Variants in CHSY1 observed in about 807,000 individuals in gnomAD.
CHSY1 encodes the protein N-acetylgalactosaminyl-proteoglycan 3-beta-glucuronosyltransferase 1.
CHSY1 carries 13 observed loss-of-function variants against 59.8 expected under a neutral mutation model. The ratio of observed to expected loss-of-function variants is 0.22; its 90% CI spans 0.14 to 0.35. CHSY1 has a LOEUF of 0.35. CHSY1 is among the 10% of genes least tolerant of loss of function. The probability of loss-of-function intolerance (pLI) is 1.00; values close to 1 mark genes in which losing one functional copy is unlikely to be tolerated. For missense variants in CHSY1, 947 were observed against 1,030.6 expected (o/e 0.92, Z 1.11); for synonymous variants, 459 against 401.2 (o/e 1.14, Z -1.72).
chr15:101,238,783 GGTT>G (rs2141277863), intron 1 of CHSY1, among the ~76,000 whole-genome samples: 1 of 152,200 alleles, frequency 6.6e-6, no homozygotes, highest in East Asian at 1.9e-4. Context: ...TTCATTCCAC[GGTT>G]ATTAACAGAT....
chr15:101,200,980 G>A (rs893859502), intron 2 of CHSY1, among the ~76,000 whole-genome samples: 1 of 152,160 alleles, frequency 6.6e-6, no homozygotes, highest in Admixed American at 6.5e-5. Flanking sequence ...GCCACCCTGG[G>A]TAAATCCTGT....
rs142800953 is a variant in CHSY1, at chr15:101,187,314, A to G, written c.817-8334T>C. Among the ~76,000 whole-genome samples, 10 of 152,298 alleles carry G rather than the reference A, an allele frequency of 6.6e-5. No homozygotes were observed. The East Asian group carries it at 1.9e-3, about 29-fold the overall frequency. ...GCCAATGTGGTGAAACACTGTTTCT[A>G]TTAAAATTACAAAAATTAGCCAGGC... On this transcript the variant is annotated intron_variant, in intron 2 of 2. Transcript: ENST00000254190.
chr15:101,180,525 C>T (rs1769364019), intron 2 of CHSY1, among the ~76,000 whole-genome samples: 1 of 152,044 alleles, frequency 6.6e-6, no homozygotes, highest in African/African-American at 2.4e-5. Flanking sequence ...GGAGAAACTC[C>T]GACTCTGACC....
intron 2 of CHSY1, among the ~76,000 whole-genome samples, chr15:101,199,569 C>T (rs966250371): frequency 6.6e-5 from 10 of 152,192 alleles, no homozygotes; most frequent in Admixed American, 1.3e-4. Context: ...AGACTGGTTG[C>T]GCAACTTACA....
At chr15:101,239,741 G>A (rs986218626) in intron 1 of CHSY1, among the ~76,000 whole-genome samples, 57 of 150,622 alleles carry the variant, frequency 3.8e-4, no homozygotes, top group African/African-American at 1.4e-3. Context: ...GCTATGTACT[G>A]AAATCCTCTT....
chr15:101,224,178 A>C (rs1354712550), intron 2 of CHSY1, among the ~76,000 whole-genome samples: 2 of 152,240 alleles, frequency 1.3e-5, no homozygotes, highest in Non-Finnish European at 2.9e-5. Flanking sequence ...ATACAACAAA[A>C]TCACCTGAGG....
chr15:101,183,725 G>A (rs917624770), intron 2 of CHSY1, among the ~76,000 whole-genome samples: 1 of 152,240 alleles, frequency 6.6e-6, no homozygotes, highest in Non-Finnish European at 1.5e-5. Context: ...GCAAACGGGG[G>A]AGGGTGTGGG....
intron 1 of CHSY1, among the ~76,000 whole-genome samples, chr15:101,248,333 T>C (rs755794674): frequency 1.1e-4 from 16 of 152,230 alleles, no homozygotes; most frequent in Non-Finnish European, 2.2e-4. Flanking sequence ...ACTTTTAGCC[T>C]TAAGGCTAAA....
chr15:101,205,946 C>T (rs1296069658), intron 2 of CHSY1, among the ~76,000 whole-genome samples: 6 of 150,442 alleles, frequency 4.0e-5, no homozygotes, highest in Non-Finnish European at 8.9e-5. Flanking sequence ...AGAGAGACTC[C>T]GTCTCAAAAA....
chr15:101,244,265 C>A (rs927283738), intron 1 of CHSY1, among the ~76,000 whole-genome samples: 3 of 152,146 alleles, frequency 2.0e-5, no homozygotes, highest in African/African-American at 7.2e-5. Context: ...AGCTGAGGCC[C>A]CTGCACTGAA....
chr15:101,229,449 A>C (rs1028961540), intron 2 of CHSY1, among the ~76,000 whole-genome samples: 6 of 152,220 alleles, frequency 3.9e-5, no homozygotes, highest in Non-Finnish European at 7.3e-5. Context: ...TCAGACAAAA[A>C]TTGTTACTAG....
chr15:101,212,596 T>C (rs2038692651), intron 2 of CHSY1, among the ~76,000 whole-genome samples: 2 of 152,216 alleles, frequency 1.3e-5, no homozygotes, highest in African/African-American at 4.8e-5. Flanking sequence ...ACAACAGTGG[T>C]TGCCTTGAGC....
intron 2 of CHSY1, among the ~76,000 whole-genome samples, chr15:101,184,756 TTAAAA>T (rs2038331623): frequency 1.3e-5 from 2 of 152,132 alleles, no homozygotes; most frequent in Admixed American, 6.5e-5. Context: ...GAAAGTGAAC[TTAAAA>T]TAAAGCCAAG....
intron 1 of CHSY1, among the ~76,000 whole-genome samples, chr15:101,240,324 G>C (rs2038989559): frequency 6.6e-6 from 1 of 152,222 alleles, no homozygotes; most frequent in South Asian, 2.1e-4. Context: ...TAATTGAAGG[G>C]AATGCTCCCA....
At position 101,251,423 on chromosome 15, in the gene CHSY1, C is replaced by A. The variant is rs1276531037; in HGVS notation, c.34G>T (p.Val12Leu). 1 of 1,112,500 alleles carries A rather than the reference C, an allele frequency of 9.0e-7. No individual in the cohort carries two copies. Among genetic ancestry groups the A allele is most frequent in the Non-Finnish European group, 1.1e-6 (1 of 897,246 alleles). The allele number at this position is 1,112,500 out of a possible 1,614,324, so 68.9% of individuals were successfully genotyped here. Residue 12 changes from valine to leucine, a missense_variant, in exon 1 of 3, where the codon GTG becomes TTG. Around this residue, in one of 4 missense-constraint regions of CHSY1, gnomAD observed 232 missense variants for 188.5 expected, o/e 1.23. Transcript: ENST00000254190. Reference sequence around the variant, plus strand: ...AAGCCCAGGACGAGCCCGAGCAGCACGCTGAGCCAGGCGCGCCGGCCGCGC... The same window carrying A: ...AAGCCCAGGACGAGCCCGAGCAGCAAGCTGAGCCAGGCGCGCCGGCCGCGC... ...AARGRRAWLS[V>L]LLGLVLGFVL... is the part of the protein sequence containing the mutation.
rs56741361 is a variant in CHSY1 at position 101,246,356 on chromosome 15, C to CTTT, written c.320+4778_320+4780dup. On this transcript the variant is annotated intron_variant, in intron 1 of 2. Transcript: ENST00000254190. ...GGACGAATAAGCAAAATACGTGTGG[C>CTTT]TTTTTTTTTTTTTTAATCAAAACGT... Among the ~76,000 whole-genome samples, 556 of 81,022 alleles carry CTTT rather than the reference C, an allele frequency of 6.9e-3. 3 individuals are homozygous for CTTT. The highest frequency in any genetic ancestry group is 0.013 in the African/African-American group (446 of 33,932). The allele number at this position is 81,022 out of a possible 152,430, so 53.2% of individuals were successfully genotyped here.
chr15:101,244,592 A>G (rs967434900), intron 1 of CHSY1, among the ~76,000 whole-genome samples: 1 of 152,266 alleles, frequency 6.6e-6, no homozygotes, highest in South Asian at 2.1e-4. Flanking sequence ...AAGAGCTAAG[A>G]AGAATATAAA....
At chr15:101,251,009 A>C in intron 1 of CHSY1, 128 bp downstream of exon 1, 1 of 911,948 alleles carries the variant, frequency 1.1e-6, no homozygotes, top group Non-Finnish European at 1.7e-6. Context: ...CCGAGAGGCA[A>C]CCCGATCCCG....
chr15:101,248,493 G>C (rs577966395), intron 1 of CHSY1, among the ~76,000 whole-genome samples: 1 of 152,232 alleles, frequency 6.6e-6, no homozygotes, highest in South Asian at 2.1e-4. Context: ...TTCTGTGAGA[G>C]AGCTGGAGTG....
Sources: gnomAD v4.1 joint callset for allele counts (sites outside exome capture counted in the v4.1 genomes callset) on GRCh38, gnomAD v4.1.1 for gene constraint, gnomAD v4.1.1 regional missense constraint, MANE v1.5 for transcripts, NCBI Gene and HGNC (gene_info 2026-07-23, HGNC 2026-07-21) for gene names.